FERMT2: variants seen among roughly 807,000 people sequenced by gnomAD.
FERMT2 encodes fermitin family homolog 2.
FERMT2 carries 15 observed loss-of-function variants against 82.7 expected under a neutral mutation model. That is an observed-to-expected ratio of 0.18 (90% CI 0.12 to 0.28). The LOEUF (loss-of-function observed/expected upper bound fraction) is 0.28. FERMT2 is among the 10% of genes least tolerant of loss of function. FERMT2 has a pLI of 1.00. For missense variants in FERMT2, 645 were observed against 809.4 expected, an observed-to-expected ratio of 0.80 and a Z score of 2.46; for synonymous variants, 274 against 271.5, an observed-to-expected ratio of 1.01 and a Z score of -0.09.
intron 3 of FERMT2, among the ~76,000 whole-genome samples, chr14:52,917,184 G>C (rs556436647): frequency 6.6e-6 from 1 of 152,178 alleles, no homozygotes; most frequent in East Asian, 1.9e-4. Context: ...AGAAATTCTT[G>C]CACACACGTA....
chr14:52,925,600 G>T (rs564432585), intron 2 of FERMT2, among the ~76,000 whole-genome samples: 1 of 149,944 alleles, frequency 6.7e-6, no homozygotes, highest in Non-Finnish European at 1.5e-5. Flanking sequence ...CACAAATTGT[G>T]TATATAGGTG....
At position 52,893,394 on chromosome 14, in the gene FERMT2, T is replaced by G. The variant is rs1887067840; in HGVS notation, c.425A>C (p.Lys142Thr). 1.2e-6 allele frequency: 2 copies of G among 1,610,590 alleles called. No homozygotes were observed. The highest frequency in any genetic ancestry group is 8.5e-7 in the Non-Finnish European group (1 of 1,178,570). ...IRHPEELSLLKKPRDPTKKKK... is the reference protein window; with the variant it reads ...IRHPEELSLLTKPRDPTKKKK... ...TTTCTTTGTTGGATCTCTGGGTTTC[T>G]TTAAGAGAGAAAGTTCTTCGGGGTG... Residue 142 changes from lysine (K) to threonine (T), a missense_variant, in exon 4 of 15, where the codon AAG becomes ACG. Lys to Thr is a moderately conservative substitution (Grantham distance 78). Coordinates refer to ENST00000341590, the MANE Select transcript of FERMT2 (RefSeq NM_006832.3).
intron 2 of FERMT2, among the ~76,000 whole-genome samples, chr14:52,932,008 G>A (rs753696975): frequency 3.3e-5 from 5 of 152,310 alleles, no homozygotes; most frequent in South Asian, 4.1e-4. Context: ...CAGCCTAGGC[G>A]ACAGAGCGAG....
At chr14:52,930,226 T>G (rs958894775) in intron 2 of FERMT2, among the ~76,000 whole-genome samples, 9 of 152,218 alleles carry the variant, frequency 5.9e-5, no homozygotes, top group Non-Finnish European at 1.2e-4. Flanking sequence ...GACATCCTGT[T>G]CTCTCTCACA....
chr14:52,868,372 C>T (rs907748081), intron 10 of FERMT2, among the ~76,000 whole-genome samples: 2 of 152,090 alleles, frequency 1.3e-5, no homozygotes, highest in African/African-American at 4.8e-5. Context: ...GTCTCTCCAT[C>T]CTCACTGAAG....
intron 4 of FERMT2, among the ~76,000 whole-genome samples, chr14:52,888,546 T>C (rs894414647): frequency 3.9e-5 from 6 of 152,262 alleles, no homozygotes; most frequent in African/African-American, 1.4e-4. Context: ...CTTGTCTTTT[T>C]GTTTTGTAAG....
chr14:52,941,160 C>T (rs1260394468), intron 2 of FERMT2, among the ~76,000 whole-genome samples: 1 of 152,288 alleles, frequency 6.6e-6, no homozygotes, highest in African/African-American at 2.4e-5. Context: ...GATACAAACA[C>T]ATGAACGAAG....
intron 2 of FERMT2, among the ~76,000 whole-genome samples, chr14:52,932,443 A>C (rs183356835): frequency 5.7e-4 from 87 of 152,322 alleles, no homozygotes; most frequent in Non-Finnish European, 1.0e-4. Context: ...TTTATTATGC[A>C]TGTCTTTCTC....
intron 3 of FERMT2, among the ~76,000 whole-genome samples, chr14:52,900,541 C>A (rs1478361381): frequency 6.6e-6 from 1 of 151,996 alleles, no homozygotes; most frequent in African/African-American, 2.4e-5. Flanking sequence ...TAAGGGCCCC[C>A]AAAATGGAAG....
At chr14:52,896,622 T>C (rs1887268322) in intron 3 of FERMT2, among the ~76,000 whole-genome samples, 1 of 152,214 alleles carries the variant, frequency 6.6e-6, no homozygotes, top group Non-Finnish European at 1.5e-5. Flanking sequence ...GAGGTAGTTG[T>C]ATAAATTAAA....
intron 2 of FERMT2, among the ~76,000 whole-genome samples, chr14:52,938,764 G>A (rs777623768): frequency 1.3e-5 from 2 of 152,044 alleles, no homozygotes; most frequent in South Asian, 4.2e-4. Context: ...TCAGGGTTTC[G>A]CCATGTTGGC....
intron 9 of FERMT2, among the ~76,000 whole-genome samples, chr14:52,873,948 CTTTTT>C (rs374646717): frequency 7.2e-6 from 1 of 139,766 alleles, no homozygotes; most frequent in South Asian, 2.3e-4. Flanking sequence ...GTTTCACAAT[CTTTTT>C]TTTTTTTTTT....
In FERMT2 at chr14:52,858,354, G is replaced by T; in HGVS notation, c.*23C>A. 6.3e-7 allele frequency: 1 copy of T among 1,592,282 alleles called. No individual in the cohort carries two copies. Among genetic ancestry groups the T allele is most frequent in the Non-Finnish European group, 8.6e-7 (1 of 1,160,502 alleles). ...AGTTAAATATTGTTATGGCCGTGGAGTTTCATTAAACAGTATTCCTATTCA... is the reference window on the plus strand; with the variant it reads ...AGTTAAATATTGTTATGGCCGTGGATTTTCATTAAACAGTATTCCTATTCA... On this transcript the variant is annotated 3_prime_UTR_variant, in exon 15 of 15. Coordinates refer to ENST00000341590, the MANE Select transcript of FERMT2 (RefSeq NM_006832.3).
chr14:52,864,362 C>T (rs753077242), intron 12 of FERMT2, 39 bp downstream of exon 12: 1 of 1,478,264 alleles, frequency 6.8e-7, no homozygotes, highest in Non-Finnish European at 9.4e-7. Flanking sequence ...ATTATAAAAA[C>T]AAACCAGCAC....
chr14:52,950,158 CG>C (rs1292099312), intron 2 of FERMT2, among the ~76,000 whole-genome samples: 2 of 152,126 alleles, frequency 1.3e-5, no homozygotes, highest in Non-Finnish European at 2.9e-5. Flanking sequence ...CCCCGTCCCG[CG>C]TAACTACGCA....
At chr14:52,890,199 G>C (rs568646059) in intron 4 of FERMT2, among the ~76,000 whole-genome samples, 3 of 151,652 alleles carry the variant, frequency 2.0e-5, no homozygotes, top group African/African-American at 7.3e-5. Context: ...TTGGGAGGCC[G>C]AGGCAGGTGG....
chr14:52,859,785 A>G (rs752407695), intron 13 of FERMT2, 71 bp from the exon 14 acceptor site: 326 of 900,104 alleles, frequency 3.6e-4, no homozygotes, highest in Admixed American at 1.0e-3. Flanking sequence ...TTTCTTCAAG[A>G]TAAGTGTTCT....
intron 3 of FERMT2, among the ~76,000 whole-genome samples, chr14:52,902,868 C>CAAAAAAAAAAAAAAAAAAAAAAAAA (rs1252336097): frequency 1.8e-4 from 1 of 5,544 alleles, no homozygotes; most frequent in African/African-American, 5.8e-4. Context: ...GACTCCGTCT[C>CAAAAAAAAAAAAAAAAAAAAAAAAA]AAAAAAAAAA....
intron 2 of FERMT2, among the ~76,000 whole-genome samples, chr14:52,937,234 T>C (rs1889887292): frequency 2.0e-5 from 3 of 152,186 alleles, no homozygotes; most frequent in African/African-American, 7.2e-5. Flanking sequence ...AGAGTGAGGG[T>C]TAAGGAATGA....
Sources: allele counts gnomAD v4.1 joint callset (sites outside exome capture counted in the v4.1 genomes callset), GRCh38; gene constraint gnomAD v4.1.1; transcripts MANE v1.5; gene names NCBI Gene and HGNC (gene_info 2026-07-23, HGNC 2026-07-21).